DCDC2: variants seen among roughly 807,000 people sequenced by gnomAD.
The protein encoded by DCDC2 is doublecortin domain-containing protein 2.
A neutral mutation model predicts 50.2 loss-of-function variants in DCDC2; 40 were observed. The ratio of observed to expected loss-of-function variants is 0.80; its 90% CI spans 0.62 to 1.04. The LOEUF (loss-of-function observed/expected upper bound fraction) is 1.04. DCDC2 is among the 50% of genes least tolerant of loss of function. The pLI is 0.00. For missense variants in DCDC2, 570 were observed against 581.9 expected, an observed-to-expected ratio of 0.98 and a Z score of 0.21; for synonymous variants, 234 against 210.6, an observed-to-expected ratio of 1.11 and a Z score of -0.96.
At chr6:24,247,502 C>G (rs1480065217) in intron 7 of DCDC2, among the ~76,000 whole-genome samples, 1 of 151,962 alleles carries the variant, frequency 6.6e-6, no homozygotes, top group African/African-American at 2.4e-5. Flanking sequence ...CCCTAGTCAT[C>G]TAGAGATGGA....
At chr6:24,367,883 T>C in the DCDC2 span, among the ~76,000 whole-genome samples, 1 of 152,108 alleles carries the variant, frequency 6.6e-6, no homozygotes, top group African/African-American at 2.4e-5. Flanking sequence ...GAATGTAAAA[T>C]AATTATGTTT....
chr6:24,345,707 GA>G (rs1760242259), intron 2 of DCDC2, among the ~76,000 whole-genome samples: 2 of 152,266 alleles, frequency 1.3e-5, no homozygotes, highest in South Asian at 4.1e-4. Flanking sequence ...AGATCCCTTT[GA>G]ATTAGGTGAG....
intron 2 of DCDC2, among the ~76,000 whole-genome samples, chr6:24,347,638 C>T (rs1191399008): frequency 6.6e-6 from 1 of 152,068 alleles, no homozygotes. Flanking sequence ...AAGACTTGAG[C>T]GTCCTTGGAT....
chr6:24,366,221 A>G, the DCDC2 span, among the ~76,000 whole-genome samples: 2 of 152,258 alleles, frequency 1.3e-5, no homozygotes, highest in South Asian at 2.1e-4. Context: ...ATATAAAATC[A>G]TAAGTGGATC....
At chr6:24,309,177 T>C (rs1759527992) in intron 2 of DCDC2, among the ~76,000 whole-genome samples, 1 of 151,934 alleles carries the variant, frequency 6.6e-6, no homozygotes, top group African/African-American at 2.4e-5. Flanking sequence ...TACAAAAAAT[T>C]AGCCAGGCTT....
intron 7 of DCDC2, among the ~76,000 whole-genome samples, chr6:24,245,020 C>A (rs1457660199): frequency 6.6e-6 from 1 of 152,096 alleles, no homozygotes; most frequent in South Asian, 2.1e-4. Context: ...CATGGTGAAA[C>A]CCTGACTCTC....
chr6:24,198,628 C>T (rs1037160217), intron 8 of DCDC2, among the ~76,000 whole-genome samples: 6 of 151,936 alleles, frequency 3.9e-5, no homozygotes, highest in African/African-American at 1.5e-4. Context: ...TTTCATACCC[C>T]AGTGGTGCCT....
At chr6:24,339,812 G>C (rs1030455481) in intron 2 of DCDC2, among the ~76,000 whole-genome samples, 1 of 152,128 alleles carries the variant, frequency 6.6e-6, no homozygotes, top group Non-Finnish European at 1.5e-5. Context: ...TCTATGAATG[G>C]ATATATTTAT....
intron 7 of DCDC2, among the ~76,000 whole-genome samples, chr6:24,206,071 G>C (rs990451670): frequency 1.3e-5 from 2 of 152,154 alleles, no homozygotes; most frequent in Non-Finnish European, 2.9e-5. Context: ...TTATTTCCCA[G>C]AGCATAATTA....
intron 2 of DCDC2, among the ~76,000 whole-genome samples, chr6:24,334,143 T>C (rs920201387): frequency 6.6e-6 from 1 of 152,248 alleles, no homozygotes; most frequent in Admixed American, 6.5e-5. Flanking sequence ...TCCCTGATAA[T>C]GTCTTCACTG....
intron 7 of DCDC2, among the ~76,000 whole-genome samples, chr6:24,257,380 G>C (rs1299028197): frequency 6.6e-6 from 1 of 152,070 alleles, no homozygotes; most frequent in Non-Finnish European, 1.5e-5. Flanking sequence ...ATAATAAGCA[G>C]GAGTCCTGGC....
chr6:24,377,256 T>C, the DCDC2 span, among the ~76,000 whole-genome samples: 1 of 152,188 alleles, frequency 6.6e-6, no homozygotes, highest in South Asian at 2.1e-4. Context: ...CAAAAATATA[T>C]ATTCCAGAGC....
the DCDC2 span, among the ~76,000 whole-genome samples, chr6:24,374,232 T>C: frequency 7.3e-5 from 11 of 150,858 alleles, no homozygotes; most frequent in Admixed American, 6.6e-4. Flanking sequence ...TAGATGTTTG[T>C]TGGTATCCAG....
intron 8 of DCDC2, among the ~76,000 whole-genome samples, chr6:24,185,946 C>T (rs1308998303): frequency 6.6e-6 from 1 of 152,208 alleles, no homozygotes; most frequent in Non-Finnish European, 1.5e-5. Context: ...AGAGCTATCA[C>T]CAGCCCTGGG....
chr6:24,299,352 T>C (rs935862827), intron 4 of DCDC2, among the ~76,000 whole-genome samples: 18 of 151,854 alleles, frequency 1.2e-4, no homozygotes, highest in African/African-American at 4.1e-4. Context: ...GGGAGGGAAA[T>C]AGAGTGAAAA....
chr6:24,291,281 T>A (rs1561761133), intron 4 of DCDC2, among the ~76,000 whole-genome samples: 1 of 152,214 alleles, frequency 6.6e-6, no homozygotes, highest in South Asian at 2.1e-4. Context: ...TAAATACTAA[T>A]GTTATAATGC....
At position 24,191,018 on chromosome 6, in the gene DCDC2, T is replaced by G. The variant is rs57913071; in HGVS notation, c.1024-12386A>C. ...CTGTGCTAATTCTACTACCAACGGA[T>G]CATGTCTCTGAGGGAAAATGGCTTT... On this transcript the variant is annotated intron_variant, in intron 8 of 9. Transcript: ENST00000378454. Among the ~76,000 whole-genome samples the G allele has an allele frequency of 1.4e-3, 208 of 152,284 alleles. 1 individual carries two copies. The highest frequency in any genetic ancestry group is 4.8e-3 in the African/African-American group (200 of 41,566).
At chr6:24,307,458 A>G (rs1304977209) in intron 2 of DCDC2, among the ~76,000 whole-genome samples, 1 of 152,246 alleles carries the variant, frequency 6.6e-6, no homozygotes, top group African/African-American at 2.4e-5. Context: ...CTTGCAAAAT[A>G]TAAGCCAACC....
chr6:24,183,049 A>AT (rs753865115), intron 8 of DCDC2, among the ~76,000 whole-genome samples: 3 of 152,246 alleles, frequency 2.0e-5, no homozygotes, highest in Non-Finnish European at 4.4e-5. Flanking sequence ...AGTCACACAA[A>AT]AAGACAAATA....
Sources: allele counts gnomAD v4.1 joint callset (sites outside exome capture counted in the v4.1 genomes callset), GRCh38; gene constraint gnomAD v4.1.1; transcripts MANE v1.5; gene names NCBI Gene and HGNC (gene_info 2026-07-23, HGNC 2026-07-21).